SLC2A13: variants seen among roughly 807,000 people sequenced by gnomAD.
SLC2A13 encodes the protein proton myo-inositol cotransporter.
In SLC2A13, 32 loss-of-function variants were observed where a neutral mutation model predicts 64.4. The ratio of observed to expected loss-of-function variants is 0.50; its 90% CI spans 0.37 to 0.67. SLC2A13 has a LOEUF of 0.67. Among genes scored for constraint, SLC2A13 ranks in the 30% least tolerant of loss-of-function variants. The pLI, the probability that SLC2A13 is intolerant of heterozygous loss-of-function variation, is 0.00. For missense variants in SLC2A13, 743 were observed against 829.2 expected, an observed-to-expected ratio of 0.90 and a Z score of 1.28; for synonymous variants, 338 against 327.1, an observed-to-expected ratio of 1.03 and a Z score of -0.36.
intron 1 of SLC2A13, among the ~76,000 whole-genome samples, chr12:40,103,490 C>T (rs1394211863): frequency 6.6e-6 from 1 of 152,176 alleles, no homozygotes; most frequent in African/African-American, 2.4e-5. Flanking sequence ...CCTCACTATT[C>T]AGCTCACAAC....
intron 3 of SLC2A13, among the ~76,000 whole-genome samples, chr12:39,990,685 TG>T (rs538930618): frequency 3.9e-5 from 6 of 152,270 alleles, no homozygotes; most frequent in East Asian, 1.9e-4. Flanking sequence ...TGTGACACTG[TG>T]GGGGGCCTCC....
At chr12:39,990,367 A>C (rs1346835077) in intron 3 of SLC2A13, among the ~76,000 whole-genome samples, 1 of 152,184 alleles carries the variant, frequency 6.6e-6, no homozygotes, top group Non-Finnish European at 1.5e-5. Flanking sequence ...ATGAGAGATA[A>C]ATACATATTT....
At chr12:39,797,514 A>G (rs548974618) in intron 7 of SLC2A13, among the ~76,000 whole-genome samples, 8 of 152,356 alleles carry the variant, frequency 5.3e-5, no homozygotes, top group South Asian at 2.1e-4. Flanking sequence ...AGCTAATCCA[A>G]TAACCCATCT....
Position 39,899,442 on chromosome 12 carries a change from C to G in SLC2A13, c.1035-27481G>C, listed in dbSNP as rs540364430. On this transcript the variant is annotated intron_variant, in intron 4 of 9. Coordinates refer to ENST00000280871, the MANE Select transcript of SLC2A13 (RefSeq NM_052885.4). Reference sequence around the variant, plus strand: ...CTTTCAAAAAACCAGCTCCTGGATTCATTAACTTTTTAAAGGGTTTTTTGT... The same window carrying G: ...CTTTCAAAAAACCAGCTCCTGGATTGATTAACTTTTTAAAGGGTTTTTTGT... 2.0e-5 allele frequency among the ~76,000 whole-genome samples: 3 copies of G among 152,230 alleles called. No individual in the cohort carries two copies. In the East Asian group the frequency reaches 5.8e-4, roughly 29 times the overall value.
intron 2 of SLC2A13, among the ~76,000 whole-genome samples, chr12:40,030,262 G>A (rs535061734): frequency 2.6e-5 from 4 of 152,174 alleles, no homozygotes; most frequent in East Asian, 3.9e-4. Flanking sequence ...AAGAGTCCTC[G>A]GATGAGAGCT....
chr12:39,764,399 T>G, intron 9 of SLC2A13, 61 bp downstream of exon 9: 1 of 1,349,804 alleles, frequency 7.4e-7, no homozygotes, highest in Non-Finnish European at 1.0e-6. Context: ...GATATTATAG[T>G]GTATCTAAAA....
At chr12:39,931,157 C>T (rs1281352154) in intron 4 of SLC2A13, among the ~76,000 whole-genome samples, 2 of 152,134 alleles carry the variant, frequency 1.3e-5, no homozygotes, top group East Asian at 1.9e-4. Context: ...AATACTATGT[C>T]CAAACATACA....
intron 6 of SLC2A13, among the ~76,000 whole-genome samples, chr12:39,851,285 C>G (rs756316353): frequency 2.6e-5 from 4 of 152,106 alleles, no homozygotes; most frequent in Non-Finnish European, 4.4e-5. Flanking sequence ...AAACGCTACT[C>G]AGTTCTTCTT....
intron 2 of SLC2A13, among the ~76,000 whole-genome samples, chr12:40,039,882 G>T (rs1230205187): frequency 6.6e-6 from 1 of 152,132 alleles, no homozygotes; most frequent in Non-Finnish European, 1.5e-5. Context: ...CATGGGTTTG[G>T]ACAAATGTAT....
intron 3 of SLC2A13, among the ~76,000 whole-genome samples, chr12:39,996,272 T>G (rs1947228363): frequency 6.6e-6 from 1 of 152,206 alleles, no homozygotes; most frequent in Non-Finnish European, 1.5e-5. Flanking sequence ...ATTTGTGGTA[T>G]CTAGTGGAAG....
intron 7 of SLC2A13, among the ~76,000 whole-genome samples, chr12:39,812,337 T>TTTTTTTC (rs1942188304): frequency 1.5e-5 from 2 of 135,188 alleles, no homozygotes; most frequent in Non-Finnish European, 3.1e-5. Context: ...ACTAATTTCT[T>TTTTTTTC]TTTTCTTTTC....
intron 6 of SLC2A13, among the ~76,000 whole-genome samples, chr12:39,840,306 A>G (rs897771845): frequency 1.3e-5 from 2 of 151,848 alleles, no homozygotes; most frequent in African/African-American, 4.8e-5. Flanking sequence ...GGCTCTTCCA[A>G]TAGTCTTCTA....
At chr12:39,838,347 G>C (rs974592962) in intron 6 of SLC2A13, among the ~76,000 whole-genome samples, 2 of 113,504 alleles carry the variant, frequency 1.8e-5, no homozygotes, top group South Asian at 3.7e-4. Flanking sequence ...GTGGTGGGGT[G>C]GGGGGAGGGG....
intron 4 of SLC2A13, among the ~76,000 whole-genome samples, chr12:39,909,149 T>C (rs993364009): frequency 6.6e-6 from 1 of 152,116 alleles, no homozygotes; most frequent in African/African-American, 2.4e-5. Context: ...ATATTTTGCA[T>C]TCAATTTCCA....
At chr12:39,838,683 C>T (rs1277252893) in intron 6 of SLC2A13, among the ~76,000 whole-genome samples, 1 of 151,990 alleles carries the variant, frequency 6.6e-6, no homozygotes, top group Non-Finnish European at 1.5e-5. Flanking sequence ...GGCCTATTTT[C>T]ATTCAATCAA....
intron 3 of SLC2A13, among the ~76,000 whole-genome samples, chr12:40,003,348 TA>T (rs1947350286): frequency 6.6e-6 from 1 of 152,332 alleles, no homozygotes; most frequent in African/African-American, 2.4e-5. Flanking sequence ...AGTGCTAGCT[TA>T]TTAAAATTAT....
chr12:39,887,350 C>A (rs1243902235), intron 4 of SLC2A13, among the ~76,000 whole-genome samples: 1 of 152,090 alleles, frequency 6.6e-6, no homozygotes, highest in Non-Finnish European at 1.5e-5. Flanking sequence ...AGTACCCTGC[C>A]CCTTAAGGGG....
intron 3 of SLC2A13, among the ~76,000 whole-genome samples, chr12:39,971,759 G>A (rs1436016598): frequency 2.0e-5 from 3 of 151,898 alleles, no homozygotes; most frequent in Non-Finnish European, 4.4e-5. Flanking sequence ...CAGATCACCT[G>A]AGGTCAGGAG....
At chr12:39,923,082 G>A (rs2029972) in intron 4 of SLC2A13, among the ~76,000 whole-genome samples, 70,567 of 151,832 alleles carry the variant, frequency 0.46, 16,759 homozygotes, top group East Asian at 0.76. Flanking sequence ...TAGTATCTAT[G>A]TTGTGTCAGA....
Sources: allele counts gnomAD v4.1 joint callset (sites outside exome capture counted in the v4.1 genomes callset), GRCh38; gene constraint gnomAD v4.1.1; transcripts MANE v1.5; gene names NCBI Gene and HGNC (gene_info 2026-07-23, HGNC 2026-07-21).